The following SLC12A2 variants were observed in gnomAD, a reference collection of about 807,000 sequenced individuals.
The protein encoded by SLC12A2 is solute carrier family 12 member 2.
A neutral mutation model predicts 136.3 loss-of-function variants in SLC12A2; 67 were observed. That is an observed-to-expected ratio of 0.49 (90% CI 0.40 to 0.60). The LOEUF (loss-of-function observed/expected upper bound fraction) is 0.60, where lower values mean the gene tolerates loss of function less well. SLC12A2 is among the 20% of genes least tolerant of loss of function. The pLI is 0.00. For synonymous variants in SLC12A2, 619 were observed against 562.9 expected (o/e 1.10, Z -1.41); for missense variants, 1,322 against 1,534.7 (o/e 0.86, Z 2.32).
intron 4 of SLC12A2, among the ~76,000 whole-genome samples, chr5:128,118,891 A>T (rs543577670): frequency 2.5e-4 from 38 of 152,338 alleles, no homozygotes; most frequent in African/African-American, 8.7e-4. Flanking sequence ...ATGACAGCAT[A>T]GGGTGATGAC....
Position 128,158,136 on chromosome 5 carries a change from G to T in SLC12A2, c.2447G>T (p.Gly816Val). 1 of 1,613,044 alleles carries T rather than the reference G, an allele frequency of 6.2e-7. No individual in the cohort carries two copies. The highest frequency in any genetic ancestry group is 8.5e-7 in the Non-Finnish European group (1 of 1,179,436). ...HLVHDFTKNV[G>V]LMICGHVHMG... ...GTTCATGATTTCACAAAAAATGTTG[G>T]TTTGATGATCTGTGGCCATGTACAT... is the stretch of plus-strand genomic sequence containing the variant. Residue 816 changes from glycine to valine, a missense_variant, in exon 16 of 27, where the codon GGT (glycine) becomes GTT (valine). Gly to Val is a moderately radical substitution (Grantham distance 109). Around this residue, in one of 8 missense-constraint regions of SLC12A2, gnomAD observed 294 missense variants for 436.6 expected, o/e 0.67. Coordinates refer to ENST00000262461, the MANE Select transcript of SLC12A2 (RefSeq NM_001046.3).
chr5:128,177,193 A>G (rs774054222), intron 21 of SLC12A2, 41 bp downstream of exon 21: 11 of 1,425,092 alleles, frequency 7.7e-6, no homozygotes, highest in Admixed American at 3.9e-5. Flanking sequence ...CCTTTTTCAT[A>G]CTGTAAACTC....
At chr5:128,087,001 C>T (rs1323667282) in intron 1 of SLC12A2, among the ~76,000 whole-genome samples, 1 of 152,142 alleles carries the variant, frequency 6.6e-6, no homozygotes, top group East Asian at 1.9e-4. Context: ...TAATTATCTA[C>T]CATGGGACTA....
At chr5:128,088,355 C>A (rs560300072) in intron 1 of SLC12A2, among the ~76,000 whole-genome samples, 1 of 152,080 alleles carries the variant, frequency 6.6e-6, no homozygotes, top group Non-Finnish European at 1.5e-5. Context: ...TACGTACACA[C>A]ACAGAGTGAA....
chr5:128,147,752 C>A, intron 11 of SLC12A2, 23 bp downstream of exon 11: 1 of 1,390,658 alleles, frequency 7.2e-7, no homozygotes, highest in Non-Finnish European at 1.0e-6. Flanking sequence ...ATATTACAGG[C>A]TTTATTAAAG....
rs550930295 is a variant in SLC12A2 at position 128,171,826 on chromosome 5, G to A, written c.2803+80G>A. 38 of 821,690 alleles carry A rather than the reference G, an allele frequency of 4.6e-5. No individual in the cohort carries two copies. The South Asian group carries it at 5.5e-4, about 12-fold the overall frequency. 50.9% of individuals were successfully genotyped at this position (821,690 alleles called of 1,614,324 possible). A position where few individuals can be genotyped will look rare whatever the true frequency, so the allele number is the denominator to read the frequency against. ...AGAAAATTATATTCTCACAAACTGG[G>A]CTCTTCGTTACTTTTAATAATTATG... On this transcript the variant is annotated intron_variant, in intron 19 of 26. Transcript: ENST00000262461.
At chr5:128,157,933 C>A in intron 15 of SLC12A2, 120 bp from the exon 16 acceptor site, 1 of 700,190 alleles carries the variant, frequency 1.4e-6, no homozygotes, top group Non-Finnish European at 2.3e-6. Context: ...TTTTGAGAAT[C>A]CTGTGGCCTG....
At chr5:128,175,243 C>T (rs971260809) in intron 20 of SLC12A2, among the ~76,000 whole-genome samples, 1 of 151,952 alleles carries the variant, frequency 6.6e-6, no homozygotes, top group Non-Finnish European at 1.5e-5. Context: ...AAATTGTAAC[C>T]TTGGACCAAT....
chr5:128,127,325 A>G (rs982316146), intron 4 of SLC12A2, among the ~76,000 whole-genome samples: 6 of 151,616 alleles, frequency 4.0e-5, no homozygotes, highest in Non-Finnish European at 8.8e-5. Context: ...GTTTCACCGT[A>G]TTAGCCAGGA....
intron 10 of SLC12A2, 126 bp from the exon 11 acceptor site, chr5:128,147,496 G>A (rs142987216): frequency 3.3e-6 from 2 of 597,728 alleles, no homozygotes; most frequent in South Asian, 2.2e-5. Context: ...ACATAGCGTT[G>A]TTGTTATTAT....
chr5:128,138,568 A>T, intron 7 of SLC12A2, 29 bp from the exon 8 acceptor site: 1 of 1,592,884 alleles, frequency 6.3e-7, no homozygotes, highest in Non-Finnish European at 8.5e-7. Flanking sequence ...GCTCTCCATT[A>T]ATTGTCAAGA....
chr5:128,150,310 A>T (rs904573719), intron 13 of SLC12A2, among the ~76,000 whole-genome samples: 1 of 151,762 alleles, frequency 6.6e-6, no homozygotes, highest in Admixed American at 6.6e-5. Flanking sequence ...ATTTGATAGG[A>T]TTAATCTCTA....
In SLC12A2 at chr5:128,114,238, T is replaced by G. The variant is rs1439943974; in HGVS notation, c.903T>G (p.Gly301=). 8 of 1,613,472 alleles carry G rather than the reference T, an allele frequency of 5.0e-6. No individual in the cohort carries two copies. The highest frequency in any genetic ancestry group is 6.8e-6 in the Non-Finnish European group (8 of 1,179,644). The change falls in exon 3 of 27, where the codon GGT becomes GGG. Residue 301 remains glycine, a synonymous_variant. Coordinates refer to ENST00000262461, the MANE Select transcript of SLC12A2 (RefSeq NM_001046.3). Reference sequence around the variant, plus strand: ...TACGTTGTATGTTAAACATTTGGGGTGTGATGCTTTTCATTAGATTGTCAT... The same window carrying G: ...TACGTTGTATGTTAAACATTTGGGGGGTGATGCTTTTCATTAGATTGTCAT... ...VLVRCMLNIW[G]VMLFIRLSWI...
intron 1 of SLC12A2, among the ~76,000 whole-genome samples, chr5:128,105,364 A>G (rs758440806): frequency 1.3e-5 from 2 of 152,204 alleles, no homozygotes; most frequent in Non-Finnish European, 2.9e-5. Context: ...ACCAAGTGCT[A>G]AAGGAACTCC....
At position 128,186,504 on chromosome 5, in the gene SLC12A2, C is replaced by T; in HGVS notation, c.3512C>T (p.Pro1171Leu). Residue 1171 changes from proline (P) to leucine (L), a missense_variant, in exon 27 of 27, where the codon CCA becomes CTA. By Grantham distance (98) the Pro-to-Leu change is moderately conservative. This residue lies in a region of SLC12A2 where 172 missense variants were observed against 227.4 expected (regional missense o/e 0.76). Transcript: ENST00000262461. Reference sequence around the variant, plus strand: ...TCTCTTTTTGATACCAGGAGTCTCCCAGTTGCACGAAAAGGTGCTGTGTCT... The same window carrying T: ...TCTCTTTTTGATACCAGGAGTCTCCTAGTTGCACGAAAAGGTGCTGTGTCT... Reference protein sequence around the residue: ...STANIIVMSLPVARKGAVSSA... With the variant: ...STANIIVMSLLVARKGAVSSA... 7 of 1,610,106 alleles carry T rather than the reference C, an allele frequency of 4.3e-6. No homozygotes were observed. The highest frequency in any genetic ancestry group is 5.9e-6 in the Non-Finnish European group (7 of 1,178,692).
chr5:128,131,259 A>T, intron 5 of SLC12A2, 53 bp downstream of exon 5: 1 of 1,558,584 alleles, frequency 6.4e-7, no homozygotes, highest in Non-Finnish European at 8.9e-7. Context: ...TTGAGGGATT[A>T]TATGCCGATC....
At chr5:128,185,644 A>G (rs1763843519) in intron 26 of SLC12A2, among the ~76,000 whole-genome samples, 3 of 152,218 alleles carry the variant, frequency 2.0e-5, no homozygotes, top group Admixed American at 6.5e-5. Context: ...GCCACCATCC[A>G]TAAATAGAAA....
At chr5:128,131,696 T>G (rs978628028) in intron 5 of SLC12A2, among the ~76,000 whole-genome samples, 7 of 149,722 alleles carry the variant, frequency 4.7e-5, no homozygotes, top group African/African-American at 1.7e-4. Flanking sequence ...AGAGCAAGAC[T>G]CCGTCTCGGA....
At chr5:128,134,333 T>G in intron 6 of SLC12A2, 58 bp downstream of exon 6, 13 of 902,500 alleles carry the variant, frequency 1.4e-5, no homozygotes, top group Non-Finnish European at 2.4e-5. Context: ...AGAGCTTATG[T>G]TTTGGGAACA....
Sources: gnomAD v4.1 joint callset for allele counts (sites outside exome capture counted in the v4.1 genomes callset) on GRCh38, gnomAD v4.1.1 for gene constraint, gnomAD v4.1.1 regional missense constraint, MANE v1.5 for transcripts, NCBI Gene and HGNC (gene_info 2026-07-23, HGNC 2026-07-21) for gene names.